SCNN1B: variants seen among roughly 807,000 people sequenced by gnomAD.
The protein encoded by SCNN1B is epithelial sodium channel subunit beta.
Under a neutral mutation model 65.3 loss-of-function variants are expected in SCNN1B, and 46 were observed. The observed-to-expected ratio is 0.70, with a 90% CI of 0.56 to 0.90. SCNN1B has a LOEUF of 0.90. Among genes scored for constraint, SCNN1B ranks in the 40% least tolerant of loss-of-function variants. SCNN1B has a pLI of 0.00. For missense variants in SCNN1B, 751 were observed against 830.5 expected, an observed-to-expected ratio of 0.90 and a Z score of 1.18; for synonymous variants, 349 against 330.6, an observed-to-expected ratio of 1.06 and a Z score of -0.60.
chr16:23,295,740 C>T (rs911249300), intron 2 of SCNN1B, among the ~76,000 whole-genome samples: 5 of 152,126 alleles, frequency 3.3e-5, no homozygotes, highest in African/African-American at 1.2e-4. Context: ...TTCACCCCTG[C>T]ACGTTTAGGA....
intron 4 of SCNN1B, among the ~76,000 whole-genome samples, chr16:23,356,119 C>T (rs1596867449): frequency 6.6e-6 from 1 of 152,232 alleles, no homozygotes; most frequent in South Asian, 2.1e-4. Context: ...GGCTGTGGGT[C>T]ATTCCCAACA....
chr16:23,321,726 G>A (rs555157775), intron 1 of SCNN1B, among the ~76,000 whole-genome samples: 4 of 152,238 alleles, frequency 2.6e-5, no homozygotes, highest in Non-Finnish European at 4.4e-5. Context: ...TATCATCAGC[G>A]TAATAATAGA....
chr16:23,317,756 C>T (rs1288211546), intron 1 of SCNN1B, among the ~76,000 whole-genome samples: 1 of 152,144 alleles, frequency 6.6e-6, no homozygotes, highest in South Asian at 2.1e-4. Flanking sequence ...AGGTGAGCAC[C>T]GAAGGGCAAT....
intron 1 of SCNN1B, among the ~76,000 whole-genome samples, chr16:23,317,672 C>G (rs72652297): frequency 1.3e-5 from 2 of 152,220 alleles, no homozygotes; most frequent in Non-Finnish European, 2.9e-5. Flanking sequence ...CTGGCACACA[C>G]CTCCACCATG....
chr16:23,343,631 GAAA>G lies in SCNN1B; in HGVS notation c.-8-4960_-8-4958del, dbSNP rs1567304430. On this transcript the variant is annotated intron_variant, in intron 1 of 12. Transcript: ENST00000343070. The stretch of plus-strand genomic sequence containing the variant: ...AGAAAGAAAGAAAGAAAGAAAGAAA[GAAA>G]GAAAGAAAGAAAGAAAAAAAGAAAG... Among the ~76,000 whole-genome samples the G allele has an allele frequency of 1.1e-3, 112 of 103,658 alleles. 1 individual carries two copies. The highest frequency in any genetic ancestry group is 2.0e-3 in the Admixed American group (21 of 10,492). The allele number at this position is 103,658 out of a possible 152,430, so 68.0% of individuals were successfully genotyped here.
intron 1 of SCNN1B, among the ~76,000 whole-genome samples, chr16:23,337,081 T>G (rs1463793651): frequency 2.0e-5 from 3 of 152,196 alleles, no homozygotes; most frequent in African/African-American, 7.2e-5. Flanking sequence ...GACAGTGTCT[T>G]GCTGTGTCAC....
At chr16:23,341,166 C>CATTTAAATG (rs1962047916) in intron 1 of SCNN1B, among the ~76,000 whole-genome samples, 1 of 151,996 alleles carries the variant, frequency 6.6e-6, no homozygotes, top group Non-Finnish European at 1.5e-5. Context: ...GCTTTCTTTT[C>CATTTAAATG]ATTTAAATGC....
chr16:23,334,041 C>T lies in SCNN1B; in HGVS notation c.-8-14551C>T, dbSNP rs144185339. 2.9e-3 allele frequency among the ~76,000 whole-genome samples: 437 copies of T among 152,248 alleles called. 3 individuals are homozygous for T. The highest frequency in any genetic ancestry group is 0.01 in the African/African-American group (422 of 41,532). ...GATGTGGATGGGAATTACTCATCAC[C>T]ATGTAAGGTTGCTCCCTGCCCCATA... is the stretch of plus-strand genomic sequence containing the variant. On this transcript the variant is annotated intron_variant, in intron 1 of 12. Transcript: ENST00000343070.
intron 4 of SCNN1B, among the ~76,000 whole-genome samples, chr16:23,356,287 G>A (rs1054450951): frequency 2.0e-5 from 3 of 152,140 alleles, no homozygotes; most frequent in Non-Finnish European, 2.9e-5. Flanking sequence ...TCTTCATAGG[G>A]TCATTGAGAA....
chr16:23,307,612 G>A (rs1485748764), intron 1 of SCNN1B, among the ~76,000 whole-genome samples: 1 of 152,154 alleles, frequency 6.6e-6, no homozygotes, highest in Non-Finnish European at 1.5e-5. Flanking sequence ...GAGCCGCTGC[G>A]CTTGGCTGCC....
chr16:23,324,188 CTTTT>C (rs780078926), intron 1 of SCNN1B, among the ~76,000 whole-genome samples: 9 of 137,478 alleles, frequency 6.5e-5, no homozygotes, highest in Middle Eastern at 7.4e-3. Context: ...CAAAAGCTCA[CTTTT>C]TTTTTTTTTT....
intron 1 of SCNN1B, among the ~76,000 whole-genome samples, chr16:23,345,140 T>C (rs1476477417): frequency 2.0e-5 from 3 of 152,178 alleles, no homozygotes; most frequent in African/African-American, 7.2e-5. Flanking sequence ...TGAATATGCT[T>C]GGGCAGGTTT....
upstream of SCNN1B, among the ~76,000 whole-genome samples, chr16:23,297,638 G>T (rs1961016666): frequency 6.6e-6 from 1 of 152,186 alleles, no homozygotes; most frequent in Non-Finnish European, 1.5e-5. Context: ...CTCCCTGAGA[G>T]CTCAATGAAA....
At chr16:23,331,173 C>A (rs2142001122) in intron 1 of SCNN1B, among the ~76,000 whole-genome samples, 1 of 152,324 alleles carries the variant, frequency 6.6e-6, no homozygotes, top group Admixed American at 6.5e-5. Flanking sequence ...AACTTGCTCA[C>A]CCTCCCCACT....
intron 1 of SCNN1B, among the ~76,000 whole-genome samples, chr16:23,312,484 A>G (rs544660205): frequency 6.6e-6 from 1 of 152,074 alleles, no homozygotes; most frequent in African/African-American, 2.4e-5. Context: ...CCAAGTGCAC[A>G]GCATGCTGAC....
chr16:23,378,591 C>A (rs1433700805), intron 10 of SCNN1B, 115 bp from the exon 11 acceptor site: 1 of 894,932 alleles, frequency 1.1e-6, no homozygotes. Context: ...ATTGTGATTC[C>A]CCCGGGGGCC....
At chr16:23,315,124 G>T (rs963403043) in intron 1 of SCNN1B, among the ~76,000 whole-genome samples, 7 of 152,020 alleles carry the variant, frequency 4.6e-5, no homozygotes, top group African/African-American at 1.7e-4. Flanking sequence ...ATCACCTGAG[G>T]TTGGGAGTTT....
At chr16:23,308,142 T>C (rs187709832) in intron 1 of SCNN1B, among the ~76,000 whole-genome samples, 6 of 152,298 alleles carry the variant, frequency 3.9e-5, no homozygotes, top group African/African-American at 1.4e-4. Context: ...AGTTTGAAGC[T>C]GAAGTGAGCT....
At chr16:23,344,476 A>G (rs1962143552) in intron 1 of SCNN1B, among the ~76,000 whole-genome samples, 2 of 152,262 alleles carry the variant, frequency 1.3e-5, no homozygotes, top group African/African-American at 2.4e-5. Flanking sequence ...TAGACTATAT[A>G]AGGCAGACGA....
Sources: gnomAD v4.1 joint callset for allele counts (sites outside exome capture counted in the v4.1 genomes callset) on GRCh38, gnomAD v4.1.1 for gene constraint, MANE v1.5 for transcripts, NCBI Gene and HGNC (gene_info 2026-07-23, HGNC 2026-07-21) for gene names.